DSCAML1: variants seen among roughly 807,000 people sequenced by gnomAD.
DSCAML1 encodes the protein cell adhesion molecule DSCAML1.
A neutral mutation model predicts 200.5 loss-of-function variants in DSCAML1; 38 were observed. That is an observed-to-expected ratio of 0.19 (90% CI 0.15 to 0.25). DSCAML1 has a LOEUF of 0.25. Ranked by LOEUF, DSCAML1 falls within the 10% of genes least tolerant of loss-of-function variation. The pLI, the probability that DSCAML1 is intolerant of heterozygous loss-of-function variation, is 1.00. For missense variants in DSCAML1, 2,223 were observed against 2,858.8 expected, an observed-to-expected ratio of 0.78 and a Z score of 5.07; for synonymous variants, 1,215 against 1,165.0, an observed-to-expected ratio of 1.04 and a Z score of -0.87.
At chr11:117,541,001 C>G (rs2050258935) in intron 3 of DSCAML1, among the ~76,000 whole-genome samples, 1 of 152,206 alleles carries the variant, frequency 6.6e-6, no homozygotes, top group African/African-American at 2.4e-5. Flanking sequence ...TCCTTAAGAA[C>G]CTTTCTCCCC....
At chr11:117,800,276 G>A (rs542186068), upstream of DSCAML1, among the ~76,000 whole-genome samples, 1 of 152,340 alleles carries the variant, frequency 6.6e-6, no homozygotes, top group Admixed American at 6.5e-5. Context: ...GGGGAAGAGA[G>A]TCAGGCGGCG....
intron 1 of DSCAML1, among the ~76,000 whole-genome samples, chr11:117,805,821 G>A (rs1410232032): frequency 6.6e-6 from 1 of 152,208 alleles, no homozygotes; most frequent in East Asian, 1.9e-4. Context: ...GCATTCCAGT[G>A]GAGTAGAAGA....
At chr11:117,813,320 A>G (rs1469602463) in intron 1 of DSCAML1, among the ~76,000 whole-genome samples, 2 of 152,166 alleles carry the variant, frequency 1.3e-5, no homozygotes, top group African/African-American at 2.4e-5. Context: ...CTGTGCCCCA[A>G]AAAACTTGTC....
At chr11:117,729,320 A>C (rs1336725556) in intron 3 of DSCAML1, among the ~76,000 whole-genome samples, 1 of 152,236 alleles carries the variant, frequency 6.6e-6, no homozygotes, top group East Asian at 1.9e-4. Context: ...TAAAACTGTT[A>C]GAAGAAAACA....
intron 3 of DSCAML1, among the ~76,000 whole-genome samples, chr11:117,598,876 G>A (rs1210630345): frequency 1.3e-5 from 2 of 152,138 alleles, no homozygotes; most frequent in Admixed American, 6.5e-5. Flanking sequence ...ATCCCATTCT[G>A]GAGCAGGATT....
intron 8 of DSCAML1, among the ~76,000 whole-genome samples, chr11:117,512,659 C>CGT (rs2049653411): frequency 4.9e-5 from 5 of 102,378 alleles, no homozygotes; most frequent in Non-Finnish European, 1.1e-4. Flanking sequence ...CACACACACA[C>CGT]ACACACACAC....
rs937298092 is a variant in DSCAML1, at chr11:117,516,361, C to T, written c.1783+106G>A. The T allele has an allele frequency of 1.8e-5, 25 of 1,413,582 alleles. No individual in the cohort carries two copies. Among genetic ancestry groups the T allele is most frequent in the African/African-American group, 2.9e-5 (2 of 70,004 alleles). 87.6% of individuals were successfully genotyped at this position (1,413,582 alleles called of 1,614,324 possible). On this transcript the variant is annotated intron_variant, in intron 8 of 32. Coordinates refer to ENST00000651296, the MANE Select transcript of DSCAML1 (RefSeq NM_020693.4). This position sits in a 1 kb window ranked among gnomAD's most constrained non-coding sequence, Gnocchi z 5.7. ...CTGGGGCCTCTCTTGCTCAGCCTTC[C>T]GTTCACCCAGGATTGCCTATTGTTG...
chr11:117,445,435 T>C (rs2048157986), intron 20 of DSCAML1, among the ~76,000 whole-genome samples: 1 of 152,204 alleles, frequency 6.6e-6, no homozygotes, highest in Non-Finnish European at 1.5e-5. Context: ...TGATATGTGC[T>C]TGAAGTGTGG....
At chr11:117,730,354 A>G (rs1395086058) in intron 3 of DSCAML1, among the ~76,000 whole-genome samples, 1 of 152,216 alleles carries the variant, frequency 6.6e-6, no homozygotes, top group Non-Finnish European at 1.5e-5. Flanking sequence ...AAAGGCAAAG[A>G]AACAGAACCT....
chr11:117,696,832 A>G (rs1652407027), intron 3 of DSCAML1, among the ~76,000 whole-genome samples: 1 of 152,070 alleles, frequency 6.6e-6, no homozygotes, highest in African/African-American at 2.4e-5. Flanking sequence ...CACTTCCAAC[A>G]TGTTCAATCC....
At chr11:117,442,659 G>C (rs2048092637) in intron 21 of DSCAML1, among the ~76,000 whole-genome samples, 1 of 152,138 alleles carries the variant, frequency 6.6e-6, no homozygotes, top group African/African-American at 2.4e-5. Context: ...CAGGAGAAGA[G>C]GCCAGCCTTC....
chr11:117,597,778 G>A (rs989458070), intron 3 of DSCAML1, among the ~76,000 whole-genome samples: 1 of 152,086 alleles, frequency 6.6e-6, no homozygotes, highest in Admixed American at 6.6e-5. Context: ...TCATTTGGGT[G>A]CTGTCTTCTC....
At chr11:117,543,625 C>T (rs1028794530) in intron 3 of DSCAML1, among the ~76,000 whole-genome samples, 2 of 152,172 alleles carry the variant, frequency 1.3e-5, no homozygotes, top group African/African-American at 2.4e-5. Context: ...AGACCTGCCA[C>T]CTACCAGCTG....
At chr11:117,640,057 C>G (rs961039662) in intron 3 of DSCAML1, among the ~76,000 whole-genome samples, 5 of 152,184 alleles carry the variant, frequency 3.3e-5, no homozygotes, top group African/African-American at 1.2e-4. Flanking sequence ...GGAGCTGCAA[C>G]TGAAGCTTCC....
Position 117,433,247 on chromosome 11 carries a change from A to G in DSCAML1, c.4917T>C (p.Asn1639=), listed in dbSNP as rs1388545450. The change falls in exon 29 of 33, where the codon AAT becomes AAC. Residue 1639 remains asparagine (N), a synonymous_variant. Transcript: ENST00000651296. ...CTTTCACAGGGGTGTCAAAGCTTCT[A>G]TTGTTCTTGCTGTGGGGAGAAAGAC... ...SLAEMLISKN[N]RSFDTPVKGP... is the part of the protein sequence containing the mutation. The G allele has an allele frequency of 3.7e-6, 6 of 1,610,272 alleles. No individual in the cohort carries two copies. The African/African-American group carries it at 4.0e-5, about 11-fold the overall frequency.
At chr11:117,671,146 C>A (rs553675301) in intron 3 of DSCAML1, among the ~76,000 whole-genome samples, 1 of 152,222 alleles carries the variant, frequency 6.6e-6, no homozygotes. Context: ...GGGCAACCTG[C>A]GCCTGCAGCA....
At chr11:117,704,606 C>T (rs899953462) in intron 3 of DSCAML1, among the ~76,000 whole-genome samples, 2 of 152,084 alleles carry the variant, frequency 1.3e-5, no homozygotes, top group Non-Finnish European at 2.9e-5. Flanking sequence ...GGGTGTATGG[C>T]CTCGCACTTA....
Position 117,758,945 on chromosome 11 carries a change from A to G in DSCAML1, c.511+17846T>C, listed in dbSNP as rs181724099. ...GACTTGATATATCGCTTTTCAGGAGATCGTCTGTTACATGCCTACCCATGA... is the reference window on the plus strand; with the variant it reads ...GACTTGATATATCGCTTTTCAGGAGGTCGTCTGTTACATGCCTACCCATGA... On this transcript the variant is annotated intron_variant, in intron 3 of 32. Transcript: ENST00000651296. 2.6e-5 allele frequency among the ~76,000 whole-genome samples: 4 copies of G among 152,180 alleles called. No homozygotes were observed. The East Asian group carries it at 7.7e-4, about 29-fold the overall frequency.
At chr11:117,490,770 C>A (rs1042116404) in intron 11 of DSCAML1, among the ~76,000 whole-genome samples, 1 of 152,218 alleles carries the variant, frequency 6.6e-6, no homozygotes, top group Non-Finnish European at 1.5e-5. Flanking sequence ...TCCTTTCTTT[C>A]GGTTTATCCT....
Sources: gnomAD v4.1 joint callset for allele counts (sites outside exome capture counted in the v4.1 genomes callset) on GRCh38, gnomAD v4.1.1 for gene constraint, Gnocchi (gnomAD v3.1) non-coding constraint, MANE v1.5 for transcripts, NCBI Gene and HGNC (gene_info 2026-07-23, HGNC 2026-07-21) for gene names.